DMD: variants seen among roughly 807,000 people sequenced by gnomAD.
DMD encodes dystrophin, also known as mutant dystrophin.
Under a neutral mutation model 330.1 loss-of-function variants are expected in DMD, and 63 were observed. That is an observed-to-expected ratio of 0.19 (90% CI 0.16 to 0.24). The LOEUF is 0.24. DMD is among the 10% of genes least tolerant of loss of function. The pLI is 1.00. For synonymous variants in DMD, 1,223 were observed against 959.8 expected, an observed-to-expected ratio of 1.27 and a Z score of -5.07; for missense variants, 3,344 against 2,684.1, an observed-to-expected ratio of 1.25 and a Z score of -5.43.
In DMD at chrX:32,518,151, A is replaced by G. The variant is rs778455461; in HGVS notation, c.2169-20T>C. On this transcript the variant is annotated intron_variant, in intron 17 of 78. Coordinates refer to ENST00000357033, the MANE Select transcript of DMD (RefSeq NM_004006.3). ...TCCAACCTAAGACAGCAAAAAATAA[A>G]AGTCATTATTTCTTGATTATCTCTT... 8.4e-7 allele frequency: 1 copy of G among 1,194,842 alleles called. No individual in the cohort carries two copies. Among genetic ancestry groups the G allele is most frequent in the African/African-American group, 1.7e-5 (1 of 57,290 alleles).
intron 1 of DMD, among the ~76,000 whole-genome samples, chrX:33,289,471 T>A (rs993483728): frequency 5.4e-5 from 6 of 111,610 alleles, no homozygotes; most frequent in African/African-American, 2.0e-4. Flanking sequence ...TATAAGATTA[T>A]CAATACCAAT....
chrX:33,046,563 C>T (rs982767), intron 1 of DMD, among the ~76,000 whole-genome samples: 37,298 of 110,925 alleles, frequency 0.34, 5,380 homozygotes, highest in Non-Finnish European at 0.46. Flanking sequence ...AGTGGTTGGA[C>T]TCTATCCATT....
At chrX:32,737,383 A>T (rs2068657796) in intron 7 of DMD, among the ~76,000 whole-genome samples, 2 of 111,492 alleles carry the variant, frequency 1.8e-5, no homozygotes, top group African/African-American at 6.5e-5. Flanking sequence ...ATTTTCTAAT[A>T]ATTAGGTCTT....
intron 1 of DMD, among the ~76,000 whole-genome samples, chrX:33,060,701 G>A (rs1197687322): frequency 6.4e-5 from 7 of 109,821 alleles, no homozygotes; most frequent in Admixed American, 2.0e-4. Context: ...GCCGGGCGTG[G>A]TGGCATGCAC....
intron 2 of DMD, among the ~76,000 whole-genome samples, chrX:32,850,815 T>G (rs189296933): frequency 8.9e-6 from 1 of 112,123 alleles, no homozygotes; most frequent in East Asian, 2.8e-4. Flanking sequence ...TGGAAATCCC[T>G]AATTTAATCA....
chrX:31,656,946 G>A (rs1397785426), intron 54 of DMD, among the ~76,000 whole-genome samples: 1 of 111,356 alleles, frequency 9.0e-6, no homozygotes, highest in Non-Finnish European at 1.9e-5. Flanking sequence ...CAGCTTCACA[G>A]GAGTTTTTAC....
At chrX:31,605,262 T>C (rs2077556121) in intron 55 of DMD, among the ~76,000 whole-genome samples, 1 of 111,908 alleles carries the variant, frequency 8.9e-6, no homozygotes, top group South Asian at 3.7e-4. Flanking sequence ...AATGAGGTTG[T>C]TGTATACTCC....
chrX:31,518,820 G>A (rs1250417679), intron 55 of DMD, among the ~76,000 whole-genome samples: 1 of 111,346 alleles, frequency 9.0e-6, no homozygotes, highest in Non-Finnish European at 1.9e-5. Context: ...TAGAGTTGTT[G>A]TTATGTGGCA....
intron 44 of DMD, among the ~76,000 whole-genome samples, chrX:32,104,641 A>G (rs2096556154): frequency 8.9e-6 from 1 of 112,146 alleles, no homozygotes; most frequent in Non-Finnish European, 1.9e-5. Flanking sequence ...TCATAACACA[A>G]CAATATATGT....
chrX:32,977,492 A>G (rs1330863153), intron 2 of DMD, among the ~76,000 whole-genome samples: 1 of 110,644 alleles, frequency 9.0e-6, no homozygotes, highest in African/African-American at 3.3e-5. Context: ...ATTAGAAACT[A>G]AATATAAGAC....
In DMD at chrX:32,343,258, G is replaced by T. The variant is rs200246327; in HGVS notation, c.5615C>A (p.Ala1872Asp). The T allele has an allele frequency of 1.3e-5, 16 of 1,206,092 alleles. No homozygotes were observed. In the Admixed American group the frequency reaches 3.3e-4, roughly 25 times the overall value. Reference protein sequence around the residue: ...KDLRSQRRKKALEISHQWYQY... With the variant: ...KDLRSQRRKKDLEISHQWYQY... ...ATACCACTGATGAGAAATTTCTAGA[G>T]CCTTTTTTCTTCTTTGAGACCTCAA... The change falls in exon 40 of 79, where the codon GCT becomes GAT. Residue 1872 changes from alanine to aspartate, a missense_variant. Coordinates refer to ENST00000357033, the MANE Select transcript of DMD (RefSeq NM_004006.3).
chrX:32,338,737 T>A (rs1436897626), intron 41 of DMD, among the ~76,000 whole-genome samples: 1 of 111,378 alleles, frequency 9.0e-6, no homozygotes, highest in Non-Finnish European at 1.9e-5. Flanking sequence ...CTTCATTGTA[T>A]AATTTTGTGT....
intron 48 of DMD, among the ~76,000 whole-genome samples, chrX:31,848,604 A>T (rs747978024): frequency 4.5e-5 from 5 of 111,040 alleles, no homozygotes; most frequent in African/African-American, 1.6e-4. Flanking sequence ...TCCTTATGAT[A>T]CGAGGAGAGT....
intron 44 of DMD, among the ~76,000 whole-genome samples, chrX:32,036,453 T>C (rs961851382): frequency 1.8e-5 from 2 of 111,662 alleles, no homozygotes; most frequent in Admixed American, 9.5e-5. Flanking sequence ...TAGTGATTAA[T>C]TGGAGGTATA....
chrX:32,935,284 A>G (rs951221980), intron 2 of DMD, among the ~76,000 whole-genome samples: 2 of 112,503 alleles, frequency 1.8e-5, no homozygotes, highest in African/African-American at 6.5e-5. Flanking sequence ...GGCCTCCCTG[A>G]CAGTTTTTAA....
At chrX:32,124,336 C>T (rs1412558624) in intron 44 of DMD, among the ~76,000 whole-genome samples, 2 of 112,245 alleles carry the variant, frequency 1.8e-5, no homozygotes, top group East Asian at 5.6e-4. Context: ...TTCGGACCAA[C>T]GTTGTCCGAA....
At chrX:32,257,147 T>C (rs1468575850) in intron 43 of DMD, among the ~76,000 whole-genome samples, 5 of 111,872 alleles carry the variant, frequency 4.5e-5, no homozygotes, top group East Asian at 5.6e-4. Context: ...TACAAACCAC[T>C]GTTCAAGAAA....
intron 1 of DMD, among the ~76,000 whole-genome samples, chrX:33,336,382 C>T (rs746715435): frequency 5.2e-4 from 57 of 109,826 alleles, no homozygotes; most frequent in Non-Finnish European, 8.9e-4. Flanking sequence ...TCAGGCAAAA[C>T]ATTTCAAAGC....
intron 54 of DMD, among the ~76,000 whole-genome samples, chrX:31,643,209 C>T (rs5972425): frequency 0.38 from 42,004 of 110,450 alleles, 6,328 homozygotes; most frequent in African/African-American, 0.53. Context: ...ACTATATATG[C>T]TTTCTTTTTC....
Sources: gnomAD v4.1 joint callset for allele counts (sites outside exome capture counted in the v4.1 genomes callset) on GRCh38, gnomAD v4.1.1 for gene constraint, MANE v1.5 for transcripts, NCBI Gene and HGNC (gene_info 2026-07-23, HGNC 2026-07-21) for gene names.